NCAM2: variants seen among roughly 807,000 people sequenced by gnomAD.
NCAM2 encodes neural cell adhesion molecule 2.
NCAM2 carries 30 observed loss-of-function variants against 98.1 expected under a neutral mutation model. The ratio of observed to expected loss-of-function variants is 0.31; its 90% CI spans 0.23 to 0.41. NCAM2 has a LOEUF of 0.41. Ranked by LOEUF, NCAM2 falls within the 10% of genes least tolerant of loss-of-function variation. The pLI is 1.00. For missense variants in NCAM2, 867 were observed against 1,005.8 expected, an observed-to-expected ratio of 0.86 and a Z score of 1.87; for synonymous variants, 368 against 342.4, an observed-to-expected ratio of 1.07 and a Z score of -0.83.
rs115137025 is a variant in NCAM2, at chr21:21,336,175, C to A, written c.898+510C>A. On this transcript the variant is annotated intron_variant, in intron 7 of 17. Coordinates refer to ENST00000400546, the MANE Select transcript of NCAM2 (RefSeq NM_004540.5). ...TAGAGCATATAAAACTAGTACTTTA[C>A]AGAAATATAATGACGTAGCTTCAAT... Among the ~76,000 whole-genome samples the A allele has an allele frequency of 5.6e-3, 856 of 152,100 alleles. 9 individuals carry two copies. Among genetic ancestry groups the A allele is most frequent in the African/African-American group, 0.019 (799 of 41,504 alleles).
At chr21:21,310,436 T>C (rs189289480) in intron 5 of NCAM2, among the ~76,000 whole-genome samples, 2 of 152,236 alleles carry the variant, frequency 1.3e-5, no homozygotes, top group South Asian at 2.1e-4. Context: ...ATCAGAGCAA[T>C]GATTTAAAGA....
intron 5 of NCAM2, among the ~76,000 whole-genome samples, chr21:21,312,620 T>C (rs941786587): frequency 8.8e-6 from 1 of 113,040 alleles, no homozygotes; most frequent in Non-Finnish European, 1.8e-5. Context: ...AGCTAGATTT[T>C]TTTTCTAATT....
chr21:21,017,824 A>T (rs1030720764), intron 1 of NCAM2, among the ~76,000 whole-genome samples: 3 of 152,144 alleles, frequency 2.0e-5, no homozygotes, highest in Non-Finnish European at 4.4e-5. Flanking sequence ...TTTAAAATTT[A>T]TGTAACATAT....
intron 1 of NCAM2, among the ~76,000 whole-genome samples, chr21:21,142,326 C>T (rs546827505): frequency 3.4e-5 from 5 of 147,346 alleles, no homozygotes; most frequent in African/African-American, 9.9e-5. Flanking sequence ...TTAATAACTA[C>T]AAATATATGT....
At chr21:21,354,186 A>T (rs1409464168) in intron 8 of NCAM2, among the ~76,000 whole-genome samples, 1 of 152,138 alleles carries the variant, frequency 6.6e-6, no homozygotes, top group East Asian at 1.9e-4. Flanking sequence ...AGAATCTATA[A>T]TTACTTTATT....
chr21:21,097,993 T>G (rs2066158742), intron 1 of NCAM2, among the ~76,000 whole-genome samples: 2 of 150,146 alleles, frequency 1.3e-5, no homozygotes, highest in East Asian at 4.0e-4. Context: ...TGTAGGTTTT[T>G]CTTATTATTA....
At chr21:21,270,108 T>C (rs1239671333) in intron 1 of NCAM2, among the ~76,000 whole-genome samples, 2 of 152,180 alleles carry the variant, frequency 1.3e-5, no homozygotes, top group East Asian at 3.8e-4. Context: ...TGCGTAATAT[T>C]AGTGGTGATA....
chr21:21,101,608 T>C (rs2066242172), intron 1 of NCAM2, among the ~76,000 whole-genome samples: 1 of 152,054 alleles, frequency 6.6e-6, no homozygotes, highest in Admixed American at 6.6e-5. Context: ...ACAGTGGCCG[T>C]ACAGATAAAA....
At chr21:21,316,275 TTTA>T (rs2074216398) in intron 5 of NCAM2, among the ~76,000 whole-genome samples, 1 of 152,110 alleles carries the variant, frequency 6.6e-6, no homozygotes, top group African/African-American at 2.4e-5. Flanking sequence ...TATTTACTTT[TTTA>T]TTATTATACT....
At chr21:21,456,259 A>G (rs1982129063) in intron 12 of NCAM2, among the ~76,000 whole-genome samples, 1 of 152,190 alleles carries the variant, frequency 6.6e-6, no homozygotes, top group Admixed American at 6.5e-5. Flanking sequence ...AGAGTGTATA[A>G]TAGTAACAAA....
At chr21:21,355,110 A>G (rs1397203902) in intron 8 of NCAM2, among the ~76,000 whole-genome samples, 2 of 152,100 alleles carry the variant, frequency 1.3e-5, no homozygotes, top group Non-Finnish European at 2.9e-5. Context: ...TCTTCCTTCC[A>G]ATAAATAGAT....
chr21:21,233,723 C>G (rs996915346), intron 1 of NCAM2, among the ~76,000 whole-genome samples: 1 of 151,682 alleles, frequency 6.6e-6, no homozygotes, highest in Non-Finnish European at 1.5e-5. Context: ...AGTTGTATGT[C>G]AGCAATGTCT....
chr21:21,327,316 A>AG (rs1221166943), intron 6 of NCAM2, among the ~76,000 whole-genome samples: 2 of 151,440 alleles, frequency 1.3e-5, no homozygotes, highest in African/African-American at 4.9e-5. Context: ...CAAAAAAAAA[A>AG]AAAAAAAAAA....
At chr21:21,262,585 T>C (rs571546900) in intron 1 of NCAM2, among the ~76,000 whole-genome samples, 1 of 140,804 alleles carries the variant, frequency 7.1e-6, no homozygotes, top group Non-Finnish European at 1.5e-5. Context: ...TAAGAACTGG[T>C]TCAGAAACAG....
chr21:21,331,578 T>G (rs56291207), intron 6 of NCAM2, among the ~76,000 whole-genome samples: 54 of 2,150 alleles, frequency 0.025, 17 homozygotes, highest in Non-Finnish European at 0.15. Context: ...CATATATATA[T>G]AGAGAGAGAG....
chr21:21,442,693 C>T (rs984168879), intron 12 of NCAM2, among the ~76,000 whole-genome samples: 8 of 152,074 alleles, frequency 5.3e-5, no homozygotes, highest in Non-Finnish European at 1.2e-4. Context: ...GGCCCATAGA[C>T]TGAGCCATTG....
At chr21:21,470,477 C>T (rs1984302102) in intron 14 of NCAM2, among the ~76,000 whole-genome samples, 1 of 152,026 alleles carries the variant, frequency 6.6e-6, no homozygotes, top group Non-Finnish European at 1.5e-5. Context: ...TTTACCTTTG[C>T]ACATAGTTGC....
At chr21:21,356,818 C>T (rs2075493854) in intron 8 of NCAM2, among the ~76,000 whole-genome samples, 1 of 151,844 alleles carries the variant, frequency 6.6e-6, no homozygotes, top group African/African-American at 2.4e-5. Flanking sequence ...TGGAGAAATC[C>T]CATCTCTACT....
Position 21,146,577 on chromosome 21 carries a change from A to T in NCAM2, c.56-134001A>T, listed in dbSNP as rs2067281243. 1.4e-5 allele frequency among the ~76,000 whole-genome samples: 2 copies of T among 146,862 alleles called. 1 individual carries two copies. Among genetic ancestry groups the T allele is most frequent in the South Asian group, 4.2e-4 (2 of 4,710 alleles). ...TATATGTATATATATATATATATGG[A>T]TTATATAAAATACGTGTATGTGTGT... On this transcript the variant is annotated intron_variant, in intron 1 of 17. Transcript: ENST00000400546.
Sources: gnomAD v4.1 joint callset for allele counts (sites outside exome capture counted in the v4.1 genomes callset) on GRCh38, gnomAD v4.1.1 for gene constraint, MANE v1.5 for transcripts, NCBI Gene and HGNC (gene_info 2026-07-23, HGNC 2026-07-21) for gene names.